The following EPN2 variants were observed in gnomAD, a reference collection of about 807,000 sequenced individuals.
EPN2 encodes the protein epsin-2.
In EPN2, 34 loss-of-function variants were observed where a neutral mutation model predicts 61.7. The observed-to-expected ratio is 0.55, with a 90% CI of 0.42 to 0.73. The LOEUF (loss-of-function observed/expected upper bound fraction) is 0.73. Among genes scored for constraint, EPN2 ranks in the 30% least tolerant of loss-of-function variants. EPN2 has a pLI of 0.00. For missense variants in EPN2, 714 were observed against 839.2 expected (o/e 0.85, Z 1.84); for synonymous variants, 349 against 353.6 (o/e 0.99, Z 0.15).
intron 1 of EPN2, among the ~76,000 whole-genome samples, chr17:19,261,116 C>T (rs553436043): frequency 2.0e-5 from 3 of 152,290 alleles, no homozygotes; most frequent in African/African-American, 7.2e-5. Flanking sequence ...GGTGGCATCC[C>T]GCAGGCACAT....
At chr17:19,325,464 A>C (rs887327841) in intron 7 of EPN2, among the ~76,000 whole-genome samples, 1 of 152,180 alleles carries the variant, frequency 6.6e-6, no homozygotes. Context: ...CCATATTAAC[A>C]GATTAAAACA....
Position 19,271,314 on chromosome 17 carries a change from G to A in EPN2, c.-293-10641G>A, listed in dbSNP as rs1053939466. ...ATGCGATCTGAGTGACAAGGAGCCA[G>A]TCTAGTGACAGATAGAGGAAGGACG... On this transcript the variant is annotated intron_variant, in intron 1 of 10. Transcript: ENST00000314728. Among the ~76,000 whole-genome samples, 16 of 152,334 alleles carry A rather than the reference G, an allele frequency of 1.1e-4. 2 individuals carry two copies. The highest frequency in any genetic ancestry group is 6.8e-3 in the Middle Eastern group (2 of 294).
At chr17:19,250,043 C>A (rs1175831110) in intron 1 of EPN2, among the ~76,000 whole-genome samples, 2 of 152,042 alleles carry the variant, frequency 1.3e-5, no homozygotes, top group Non-Finnish European at 2.9e-5. Flanking sequence ...TTACGTTGGG[C>A]ACACTGAATA....
In EPN2 at chr17:19,332,042, A is replaced by T. The variant is rs1461270772; in HGVS notation, c.1601A>T (p.Gln534Leu). Reference sequence around the variant, plus strand: ...GTGACCAGGCCTGCCCCACCAGCCCAGTCCCTCAACCCTTTCCTGGCACCA... The same window carrying T: ...GTGACCAGGCCTGCCCCACCAGCCCTGTCCCTCAACCCTTTCCTGGCACCA... ...SLVTRPAPPA[Q>L]SLNPFLAPGA... The change falls in exon 10 of 11, where the codon CAG (glutamine) becomes CTG (leucine). Residue 534 changes from glutamine (Q) to leucine (L), a missense_variant. Transcript: ENST00000314728. 1 of 1,612,056 alleles carries T rather than the reference A, an allele frequency of 6.2e-7. No homozygotes were observed. The highest frequency in any genetic ancestry group is 8.5e-7 in the Non-Finnish European group (1 of 1,179,868).
In EPN2 at chr17:19,309,897, G is replaced by A. The variant is rs377333169; in HGVS notation, c.779G>A (p.Arg260Gln). 6.2e-6 allele frequency: 10 copies of A among 1,607,468 alleles called. No homozygotes were observed. The highest frequency in any genetic ancestry group is 5.3e-5 in the African/African-American group (4 of 74,920). ...TCTTCCCCAACAGCCACCTCCCCGCGAGTGTCCTCCGAGCTGGAGCAAGCC... is the reference window on the plus strand; with the variant it reads ...TCTTCCCCAACAGCCACCTCCCCGCAAGTGTCCTCCGAGCTGGAGCAAGCC... ...CDRAARATSP[R>Q]VSSELEQARP... The change falls in exon 5 of 11, where the codon CGA (arginine) becomes CAA (glutamine). Residue 260 changes from arginine (R) to glutamine (Q), a missense_variant. Coordinates refer to ENST00000314728, the MANE Select transcript of EPN2 (RefSeq NM_014964.5).
In EPN2 at chr17:19,283,292, G is replaced by A. The variant is rs372101258; in HGVS notation, c.173G>A (p.Ser58Asn). 1.2e-5 allele frequency: 19 copies of A among 1,614,154 alleles called. No individual in the cohort carries two copies. The highest frequency in any genetic ancestry group is 1.6e-5 in the Non-Finnish European group (19 of 1,180,032). Reference protein sequence around the residue: ...YNVVAFSEIMSMVWKRLNDHG... With the variant: ...YNVVAFSEIMNMVWKRLNDHG... ...GTGGTGGCCTTCTCGGAGATCATGA[G>A]CATGGTGTGGAAGCGGCTGAATGAC... is the stretch of plus-strand genomic sequence containing the variant. The change falls in exon 3 of 11, where the codon AGC becomes AAC. Residue 58 changes from serine to asparagine, a missense_variant. Physicochemically the swap from Ser to Asn is conservative, Grantham distance 46. This residue lies in a region of EPN2 where 304 missense variants were observed against 417.4 expected (regional missense o/e 0.73). Transcript: ENST00000314728. The surrounding 1 kb of genome is among the most constrained non-coding windows in gnomAD (Gnocchi z 7.0).
At chr17:19,265,907 C>T (rs2045192570) in intron 1 of EPN2, among the ~76,000 whole-genome samples, 1 of 152,184 alleles carries the variant, frequency 6.6e-6, no homozygotes, top group Non-Finnish European at 1.5e-5. Flanking sequence ...CCCCTTCTAC[C>T]CCACCCACAC....
At chr17:19,330,875 GC>G (rs1907126007) in intron 9 of EPN2, among the ~76,000 whole-genome samples, 1 of 152,172 alleles carries the variant, frequency 6.6e-6, no homozygotes, top group Admixed American at 6.5e-5. Context: ...GTGTGCACCT[GC>G]CTGTGGTCCC....
intron 1 of EPN2, among the ~76,000 whole-genome samples, chr17:19,248,965 C>T (rs183788294): frequency 3.3e-5 from 5 of 152,206 alleles, no homozygotes; most frequent in Admixed American, 1.3e-4. Context: ...GATCCCTGGC[C>T]GAGGGAGCTG....
At chr17:19,266,053 TC>T (rs929564775) in intron 1 of EPN2, among the ~76,000 whole-genome samples, 7 of 152,160 alleles carry the variant, frequency 4.6e-5, no homozygotes, top group African/African-American at 7.2e-5. Flanking sequence ...CTTTCTGTCT[TC>T]CTACTTCCGC....
At chr17:19,239,914 A>G (rs1024201530) in intron 1 of EPN2, among the ~76,000 whole-genome samples, 3 of 152,136 alleles carry the variant, frequency 2.0e-5, no homozygotes, top group Admixed American at 6.5e-5. Flanking sequence ...CTCTTCCATA[A>G]TGAGCGGAGG....
In EPN2 at chr17:19,265,209, A is replaced by G. The variant is rs536927298; in HGVS notation, c.-293-16746A>G. ...GGAGTTCGAGACCAGCCTGGCCAAC[A>G]TAGGGAAACCCCATCTCTACAAAAA... On this transcript the variant is annotated intron_variant, in intron 1 of 10. Transcript: ENST00000314728. Among the ~76,000 whole-genome samples, 3 of 152,202 alleles carry G rather than the reference A, an allele frequency of 2.0e-5. No homozygotes were observed. In the South Asian group the frequency reaches 6.2e-4, roughly 32 times the overall value.
intron 1 of EPN2, among the ~76,000 whole-genome samples, chr17:19,272,094 G>A (rs1406649902): frequency 1.3e-5 from 2 of 152,212 alleles, no homozygotes; most frequent in African/African-American, 2.4e-5. Flanking sequence ...TCAAATGGTA[G>A]TCCATAGCTC....
chr17:19,326,163 A>C (rs1457363961), intron 7 of EPN2, among the ~76,000 whole-genome samples: 2 of 152,224 alleles, frequency 1.3e-5, no homozygotes, highest in Non-Finnish European at 2.9e-5. Context: ...TGGAAAACTC[A>C]CTATTGTAAT....
Position 19,319,223 on chromosome 17 carries a change from A to C in EPN2, c.1147+5944A>C, listed in dbSNP as rs117588867. ...AAAAAAAAAATTTCCAGAAATGTTA[A>C]AATGCCTTGTGTTAACTCTTAAAGA... On this transcript the variant is annotated intron_variant, in intron 7 of 10. Coordinates refer to ENST00000314728, the MANE Select transcript of EPN2 (RefSeq NM_014964.5). 6.5e-3 allele frequency among the ~76,000 whole-genome samples: 989 copies of C among 152,242 alleles called. 54 individuals carry two copies. In the East Asian group the frequency reaches 0.12, roughly 18 times the overall value.
chr17:19,242,924 G>A (rs994953147), intron 1 of EPN2, among the ~76,000 whole-genome samples: 11 of 152,232 alleles, frequency 7.2e-5, no homozygotes, highest in Non-Finnish European at 1.3e-4. Context: ...CAGCTCGATA[G>A]CTGAGAACAC....
intron 7 of EPN2, among the ~76,000 whole-genome samples, chr17:19,322,557 A>G (rs959241595): frequency 6.8e-6 from 1 of 147,550 alleles, no homozygotes; most frequent in Non-Finnish European, 1.5e-5. Context: ...CCTGGGCAAC[A>G]TAGGGAGACC....
rs115805677 is a variant in EPN2 at position 19,244,967 on chromosome 17, A to G, written c.-294+7436A>G. 1.1e-3 allele frequency among the ~76,000 whole-genome samples: 172 copies of G among 152,208 alleles called. 1 individual carries two copies. Among genetic ancestry groups the G allele is most frequent in the African/African-American group, 3.9e-3 (163 of 41,536 alleles). ...ATTTGCAGCTGTGCCAGGTGCGCCCATTACCTCACTGTACCCTCACAACAA... is the reference window on the plus strand; with the variant it reads ...ATTTGCAGCTGTGCCAGGTGCGCCCGTTACCTCACTGTACCCTCACAACAA... On this transcript the variant is annotated intron_variant, in intron 1 of 10. Coordinates refer to ENST00000314728, the MANE Select transcript of EPN2 (RefSeq NM_014964.5).
chr17:19,261,802 G>A (rs1239130853), intron 1 of EPN2, among the ~76,000 whole-genome samples: 13 of 152,248 alleles, frequency 8.5e-5, no homozygotes, highest in Admixed American at 8.5e-4. Context: ...GGCATGTCCA[G>A]TGTATGTAGT....
Sources: allele counts gnomAD v4.1 joint callset (sites outside exome capture counted in the v4.1 genomes callset), GRCh38; gene constraint gnomAD v4.1.1; regional missense constraint gnomAD v4.1.1; non-coding constraint Gnocchi (gnomAD v3.1); transcripts MANE v1.5; gene names NCBI Gene and HGNC (gene_info 2026-07-23, HGNC 2026-07-21).